Variants in TFEC observed in about 807,000 individuals in gnomAD.
The protein encoded by TFEC is transcription factor EC.
In TFEC, 31 loss-of-function variants were observed where a neutral mutation model predicts 41.6. That is an observed-to-expected ratio of 0.74 (90% CI 0.56 to 1.01). TFEC has a LOEUF of 1.01. TFEC is among the 50% of genes least tolerant of loss of function. The pLI is 0.00. For missense variants in TFEC, 402 were observed against 404.1 expected, an observed-to-expected ratio of 0.99 and a Z score of 0.04; for synonymous variants, 143 against 140.6, an observed-to-expected ratio of 1.02 and a Z score of -0.12.
intron 1 of TFEC, among the ~76,000 whole-genome samples, chr7:115,993,993 G>C (rs571206632): frequency 8.5e-5 from 13 of 152,266 alleles, no homozygotes; most frequent in African/African-American, 3.1e-4. Flanking sequence ...GCATGGTACT[G>C]GTACCAAAAC....
At chr7:115,949,099 A>G (rs1306561496) in intron 6 of TFEC, among the ~76,000 whole-genome samples, 2 of 152,208 alleles carry the variant, frequency 1.3e-5, no homozygotes, top group Non-Finnish European at 2.9e-5. Flanking sequence ...CCCATTCATA[A>G]TTGCTTCAAA....
At chr7:116,110,746 G>C (rs977313964) in exon 3 of TFEC, 1 of 1,531,354 alleles carries the variant, frequency 6.5e-7, no homozygotes, top group African/African-American at 1.4e-5. Context: ...TAAATTTGTG[G>C]TCTTGCTGGG....
At chr7:116,071,092 T>C (rs935473074) in intron 3 of TFEC, among the ~76,000 whole-genome samples, 2 of 151,416 alleles carry the variant, frequency 1.3e-5, no homozygotes, top group Non-Finnish European at 3.0e-5. Context: ...CTATTTTATT[T>C]GGTTATTGTA....
At chr7:116,044,928 G>T (rs938764980) in intron 3 of TFEC, among the ~76,000 whole-genome samples, 1 of 152,200 alleles carries the variant, frequency 6.6e-6, no homozygotes, top group Non-Finnish European at 1.5e-5. Context: ...CACCAGTTAC[G>T]TAAGGAATGA....
At chr7:115,963,636 A>G (rs762269758) in intron 3 of TFEC, among the ~76,000 whole-genome samples, 8 of 151,808 alleles carry the variant, frequency 5.3e-5, no homozygotes, top group Non-Finnish European at 1.0e-4. Context: ...TGAAAAAATT[A>G]TGCTAAGTGA....
At chr7:115,997,103 G>T (rs1794398567) in intron 1 of TFEC, among the ~76,000 whole-genome samples, 1 of 152,158 alleles carries the variant, frequency 6.6e-6, no homozygotes, top group Non-Finnish European at 1.5e-5. Context: ...CAGTAATCAA[G>T]CAATGGTTAC....
intron 1 of TFEC, among the ~76,000 whole-genome samples, chr7:116,156,148 T>G (rs934834471): frequency 3.3e-5 from 5 of 152,024 alleles, no homozygotes; most frequent in African/African-American, 1.2e-4. Context: ...GACAGCAGAG[T>G]GGGACACTTA....
At chr7:116,030,956 C>T (rs1795765315), upstream of TFEC, 1 of 382,540 alleles carries the variant, frequency 2.6e-6, no homozygotes, top group Non-Finnish European at 3.6e-6. Flanking sequence ...TAGAAAACTA[C>T]TCCACAATAC....
At chr7:116,031,487 T>G (rs1355861608), upstream of TFEC, among the ~76,000 whole-genome samples, 1 of 152,164 alleles carries the variant, frequency 6.6e-6, no homozygotes, top group Non-Finnish European at 1.5e-5. Context: ...GAACTTAAAA[T>G]GGAAAGGTAC....
intron 3 of TFEC, among the ~76,000 whole-genome samples, chr7:116,036,677 T>G (rs1427748117): frequency 6.6e-6 from 1 of 152,026 alleles, no homozygotes; most frequent in Non-Finnish European, 1.5e-5. Context: ...AGCTAAACAC[T>G]CCTAGCCTTT....
rs571680654 is a variant in TFEC at position 115,949,480 on chromosome 7, T to C, written c.515+1394A>G. On this transcript the variant is annotated intron_variant, in intron 6 of 7. Coordinates refer to ENST00000265440, the MANE Select transcript of TFEC (RefSeq NM_012252.4). The stretch of plus-strand genomic sequence containing the variant: ...CAAGGCTACAGTAACCAAAACAGCA[T>C]GGTACTAGTACCAAAACAGAGATAT... Among the ~76,000 whole-genome samples the C allele has an allele frequency of 3.9e-5, 6 of 152,236 alleles. No individual in the cohort carries two copies. In the East Asian group the frequency reaches 1.2e-3, roughly 29 times the overall value.
chr7:116,071,157 T>G (rs1796818603), intron 3 of TFEC, among the ~76,000 whole-genome samples: 1 of 151,362 alleles, frequency 6.6e-6, no homozygotes, highest in Admixed American at 6.6e-5. Flanking sequence ...CCAACATTTT[T>G]GCTATATTTA....
chr7:115,971,587 A>C (rs972541379), intron 3 of TFEC, among the ~76,000 whole-genome samples: 1 of 151,884 alleles, frequency 6.6e-6, no homozygotes, highest in African/African-American at 2.4e-5. Flanking sequence ...GACTGAAGAA[A>C]ACTTCCAAGC....
In TFEC at chr7:115,937,911, C is replaced by T. The variant is rs1347664557; in HGVS notation, c.*2640G>A. ...GAGAGGGTCTATAACTCACTAGATT[C>T]TCAAGGTATCTGCCTTAAAAAGTTA... On this transcript the variant is annotated 3_prime_UTR_variant, in exon 8 of 8. Coordinates refer to ENST00000265440, the MANE Select transcript of TFEC (RefSeq NM_012252.4). 1 of 151,844 alleles carries T rather than the reference C, an allele frequency of 6.6e-6. No homozygotes were observed. The highest frequency in any genetic ancestry group is 2.4e-5 in the African/African-American group (1 of 41,408). 9.4% of individuals were successfully genotyped at this position (151,844 alleles called of 1,614,324 possible).
At chr7:116,099,687 C>T (rs1248244793) in intron 3 of TFEC, among the ~76,000 whole-genome samples, 2 of 152,158 alleles carry the variant, frequency 1.3e-5, no homozygotes, top group Non-Finnish European at 2.9e-5. Flanking sequence ...CAACAAGATG[C>T]AGAATGGAAG....
rs1387086326 is a variant in TFEC, at chr7:116,050,813, C to G, written c.198+59895G>C. Among the ~76,000 whole-genome samples the G allele has an allele frequency of 2.6e-5, 4 of 152,286 alleles. No homozygotes were observed. In the East Asian group the frequency reaches 7.7e-4, roughly 29 times the overall value. On this transcript the variant is annotated intron_variant, in intron 3 of 8. Transcript: ENST00000484212. ...CATTACTGGGCATATACCCAAAGGA[C>G]TATAAATCATGCTGCTATAAAGACA...
intron 1 of TFEC, among the ~76,000 whole-genome samples, chr7:116,006,602 G>C (rs1794800102): frequency 6.6e-6 from 1 of 152,168 alleles, no homozygotes; most frequent in African/African-American, 2.4e-5. Context: ...CATAGGCGAA[G>C]GGACTTGGCT....
At chr7:116,072,994 A>G (rs1796866321) in intron 3 of TFEC, among the ~76,000 whole-genome samples, 1 of 151,332 alleles carries the variant, frequency 6.6e-6, no homozygotes, top group South Asian at 2.1e-4. Flanking sequence ...ATAATTAATT[A>G]ATTAAATAAT....
chr7:116,111,250 G>A (rs1240313109), intron 2 of TFEC, among the ~76,000 whole-genome samples: 1 of 151,934 alleles, frequency 6.6e-6, no homozygotes, highest in Non-Finnish European at 1.5e-5. Context: ...GAAAAAAAGT[G>A]GACATGAACA....
Sources: gnomAD v4.1 joint callset for allele counts (sites outside exome capture counted in the v4.1 genomes callset) on GRCh38, gnomAD v4.1.1 for gene constraint, MANE v1.5 for transcripts, NCBI Gene and HGNC (gene_info 2026-07-23, HGNC 2026-07-21) for gene names.